The following R3HDM4 variants were observed in gnomAD, a reference collection of about 807,000 sequenced individuals.
The protein encoded by R3HDM4 is R3H domain-containing protein 4.
A neutral mutation model predicts 31.3 loss-of-function variants in R3HDM4; 30 were observed. The ratio of observed to expected loss-of-function variants is 0.96; its 90% CI spans 0.72 to 1.30. R3HDM4 has a LOEUF of 1.30. R3HDM4 is among the 50% of genes most tolerant of loss of function. The probability of loss-of-function intolerance (pLI) is 0.00; values close to 1 mark genes in which losing one functional copy is unlikely to be tolerated. For synonymous variants in R3HDM4, 196 were observed against 156.6 expected (o/e 1.25, Z -1.88); for missense variants, 444 against 366.1 (o/e 1.21, Z -1.74).
Position 897,428 on chromosome 19 carries a change from G to T in R3HDM4, c.*9C>A. 1 of 1,590,750 alleles carries T rather than the reference G, an allele frequency of 6.3e-7. No homozygotes were observed. The highest frequency in any genetic ancestry group is 8.6e-7 in the Non-Finnish European group (1 of 1,167,544). On this transcript the variant is annotated 3_prime_UTR_variant, in exon 8 of 8. Coordinates refer to ENST00000361574, the MANE Select transcript of R3HDM4 (RefSeq NM_138774.4). The stretch of plus-strand genomic sequence containing the variant: ...GCGAGGTGGCAGCGGGGTCTCCGCG[G>T]GGCCGCCATCAGCTGTGCTGCTCCA...
intron 3 of R3HDM4, 100 bp downstream of exon 3, chr19:901,322 G>A: frequency 7.6e-7 from 1 of 1,313,142 alleles, no homozygotes; most frequent in Non-Finnish European, 1.0e-6. Flanking sequence ...TCAGAAGTGG[G>A]CGGGTGCTTC....
chr19:899,702 C>G lies in R3HDM4; in HGVS notation c.562-16G>C, dbSNP rs779185724. The G allele has an allele frequency of 2.6e-6, 4 of 1,553,152 alleles. No homozygotes were observed. The highest frequency in any genetic ancestry group is 3.5e-6 in the Non-Finnish European group (4 of 1,149,674). On this transcript the variant is annotated splice_polypyrimidine_tract_variant and intron_variant, in intron 5 of 7. Coordinates refer to ENST00000361574, the MANE Select transcript of R3HDM4 (RefSeq NM_138774.4). The surrounding 1 kb of genome is among the most constrained non-coding windows in gnomAD (Gnocchi z 6.8). The stretch of plus-strand genomic sequence containing the variant: ...CCAGCGTTTCCTGGGGAGAGCGGCC[C>G]GGTGGTCAGGGAACTGCGGGACCTG...
intron 1 of R3HDM4, among the ~76,000 whole-genome samples, chr19:909,098 G>C (rs2036940973): frequency 2.6e-5 from 4 of 152,222 alleles, no homozygotes; most frequent in Admixed American, 2.6e-4. Flanking sequence ...GACCCTGAAG[G>C]CTCGAGGATG....
At chr19:911,374 G>A (rs1051089027) in intron 1 of R3HDM4, among the ~76,000 whole-genome samples, 3 of 152,220 alleles carry the variant, frequency 2.0e-5, no homozygotes, top group Non-Finnish European at 2.9e-5. Context: ...AACCCAGGAG[G>A]TGGAGGTTGC....
intron 7 of R3HDM4, among the ~76,000 whole-genome samples, chr19:897,811 G>A (rs1050677640): frequency 9.2e-5 from 14 of 152,222 alleles, no homozygotes; most frequent in Admixed American, 3.9e-4. Flanking sequence ...ACCCTGAAAC[G>A]CACTGGGCCT....
chr19:901,389 G>T, intron 3 of R3HDM4, 33 bp downstream of exon 3: 1 of 1,591,142 alleles, frequency 6.3e-7, no homozygotes, highest in Non-Finnish European at 8.5e-7. Flanking sequence ...CGGGGTCCCC[G>T]TGTGGAGGGA....
In R3HDM4 at chr19:897,397, G is replaced by T; in HGVS notation, c.*40C>A. On this transcript the variant is annotated 3_prime_UTR_variant, in exon 8 of 8. Transcript: ENST00000361574. ...AGCCGAAGGTATCGGAGGGCTTGAT[G>T]GCTGGGCGAGGTGGCAGCGGGGTCT... 1 of 1,444,872 alleles carries T rather than the reference G, an allele frequency of 6.9e-7. No homozygotes were observed. Among genetic ancestry groups the T allele is most frequent in the Non-Finnish European group, 9.5e-7 (1 of 1,056,754 alleles). The allele number at this position is 1,444,872 out of a possible 1,614,324, so 89.5% of individuals were successfully genotyped here.
At chr19:910,188 G>C (rs956875344) in intron 1 of R3HDM4, among the ~76,000 whole-genome samples, 2 of 151,984 alleles carry the variant, frequency 1.3e-5, no homozygotes, top group African/African-American at 4.8e-5. Flanking sequence ...AGCTGGGTGC[G>C]GTGGCACATG....
Position 905,881 on chromosome 19 carries a change from C to T in R3HDM4, c.72-3751G>A, listed in dbSNP as rs554704082. On this transcript the variant is annotated intron_variant, in intron 1 of 7. Transcript: ENST00000361574. ...GGCAGAGGCACGGGTCAAGCTTCCACCCTGGACCAGGTGCTCAGAACTCAA... is the reference window on the plus strand; with the variant it reads ...GGCAGAGGCACGGGTCAAGCTTCCATCCTGGACCAGGTGCTCAGAACTCAA... 5.9e-5 allele frequency among the ~76,000 whole-genome samples: 9 copies of T among 152,294 alleles called. No individual in the cohort carries two copies. In the East Asian group the frequency reaches 1.2e-3, roughly 20 times the overall value.
chr19:898,003 C>T (rs183187271), intron 7 of R3HDM4, among the ~76,000 whole-genome samples: 16 of 152,278 alleles, frequency 1.1e-4, no homozygotes, highest in Admixed American at 7.2e-4. Flanking sequence ...CGCAGTGGCT[C>T]ATGCCTGTAA....
Position 899,671 on chromosome 19 carries a change from A to C in R3HDM4, c.577T>G (p.Trp193Gly). 1 of 1,596,678 alleles carries C rather than the reference A, an allele frequency of 6.3e-7. No individual in the cohort carries two copies. Among genetic ancestry groups the C allele is most frequent in the Non-Finnish European group, 8.5e-7 (1 of 1,170,744 alleles). ...AAGAACCGAAGCAGCCGCTCCTCCC[A>C]GGTCTCCAGCGTTTCCTGGGGAGAG... Reference protein sequence around the residue: ...SRIPMETLETWEERLLRFFSV... With the variant: ...SRIPMETLETGEERLLRFFSV... Residue 193 changes from tryptophan to glycine, a missense_variant, in exon 6 of 8, where the codon TGG becomes GGG. Trp to Gly is a radical substitution (Grantham distance 184). Transcript: ENST00000361574. The surrounding 1 kb of genome is among the most constrained non-coding windows in gnomAD (Gnocchi z 6.8).
At chr19:901,762 C>G in intron 2 of R3HDM4, 3 of 816,210 alleles carry the variant, frequency 3.7e-6, no homozygotes, top group Non-Finnish European at 5.7e-6. Flanking sequence ...CTCCAATGCC[C>G]GGGGCGCCCT....
Position 900,223 on chromosome 19 carries a change from C to A in R3HDM4, c.476-77G>T, listed in dbSNP as rs140866425. The stretch of plus-strand genomic sequence containing the variant: ...GCCCACCTGCCAGACCACGCCCACC[C>A]AGGGAAGACCACGCCCATCTGTGCC... On this transcript the variant is annotated intron_variant, in intron 4 of 7. Transcript: ENST00000361574. The A allele has an allele frequency of 2.7e-4, 321 of 1,167,848 alleles. 2 individuals carry two copies. In the African/African-American group the frequency reaches 4.6e-3, roughly 17 times the overall value. 72.3% of individuals were successfully genotyped at this position (1,167,848 alleles called of 1,614,324 possible).
intron 1 of R3HDM4, among the ~76,000 whole-genome samples, chr19:906,805 G>A (rs565994727): frequency 1.5e-5 from 1 of 66,656 alleles, no homozygotes; most frequent in South Asian, 6.8e-4. Context: ...ACAGATTTGG[G>A]GTTTTTTTGT....
chr19:900,113 T>C lies in R3HDM4; in HGVS notation c.509A>G (p.Gln170Arg). 1 of 1,605,810 alleles carries C rather than the reference T, an allele frequency of 6.2e-7. No individual in the cohort carries two copies. Among genetic ancestry groups the C allele is most frequent in the Non-Finnish European group, 8.5e-7 (1 of 1,176,430 alleles). ...GGCTCGCAGACGCCGGCTGATGCGCTGGAAGCACTCGCGGGGTGTATAGGC... is the reference window on the plus strand; with the variant it reads ...GGCTCGCAGACGCCGGCTGATGCGCCGGAAGCACTCGCGGGGTGTATAGGC... ...DPAYTPRECFQRISRRLRAVL... is the reference protein window; with the variant it reads ...DPAYTPRECFRRISRRLRAVL... Residue 170 changes from glutamine to arginine, a missense_variant, in exon 5 of 8, where the codon CAG (glutamine) becomes CGG (arginine). By Grantham distance (43) the Gln-to-Arg change is conservative. Transcript: ENST00000361574.
At chr19:898,404 CAAAAAA>C (rs67161788) in intron 7 of R3HDM4, among the ~76,000 whole-genome samples, 2,429 of 97,564 alleles carry the variant, frequency 0.025, 53 homozygotes, top group Non-Finnish European at 0.036. Flanking sequence ...GACTTGGTCT[CAAAAAA>C]AAAAAAAAAA....
chr19:905,016 G>C (rs1362075633), intron 1 of R3HDM4, among the ~76,000 whole-genome samples: 2 of 151,806 alleles, frequency 1.3e-5, no homozygotes, highest in Non-Finnish European at 2.9e-5. Flanking sequence ...AGACCACCCT[G>C]GCCAACATGG....
At chr19:905,218 A>AG (rs1235183011) in intron 1 of R3HDM4, among the ~76,000 whole-genome samples, 2 of 151,088 alleles carry the variant, frequency 1.3e-5, no homozygotes, top group Non-Finnish European at 3.0e-5. Context: ...AAAAAAAAAA[A>AG]GTACGCTGGG....
At chr19:905,373 C>T (rs538141403) in intron 1 of R3HDM4, among the ~76,000 whole-genome samples, 2 of 151,604 alleles carry the variant, frequency 1.3e-5, no homozygotes, top group Admixed American at 6.6e-5. Flanking sequence ...GGCATGGTGA[C>T]GCATGCCTGT....
Sources: gnomAD v4.1 joint callset for allele counts (sites outside exome capture counted in the v4.1 genomes callset) on GRCh38, gnomAD v4.1.1 for gene constraint, Gnocchi (gnomAD v3.1) non-coding constraint, MANE v1.5 for transcripts, NCBI Gene and HGNC (gene_info 2026-07-23, HGNC 2026-07-21) for gene names.